The following DNAI7 variants were observed in gnomAD, a reference collection of about 807,000 sequenced individuals.
DNAI7 encodes the protein cancer susceptibility 1.
A neutral mutation model predicts 86.6 loss-of-function variants in DNAI7; 78 were observed. That is an observed-to-expected ratio of 0.90 (90% confidence interval 0.75 to 1.09). DNAI7 has a LOEUF of 1.09. Ranked by LOEUF, DNAI7 falls within the 50% of genes least tolerant of loss-of-function variation. The probability of loss-of-function intolerance (pLI) is 0.00; values close to 1 mark genes in which losing one functional copy is unlikely to be tolerated. For missense variants in DNAI7, 753 were observed against 810.2 expected (o/e 0.93, Z 0.86); for synonymous variants, 274 against 273.0 (o/e 1.00, Z -0.04).
intron 1 of DNAI7, among the ~76,000 whole-genome samples, chr12:25,194,065 C>T (rs1396937457): frequency 6.6e-6 from 1 of 151,988 alleles, no homozygotes; most frequent in Non-Finnish European, 1.5e-5. Context: ...CGTGATCTGC[C>T]CGCCTCGGCC....
intron 9 of DNAI7, among the ~76,000 whole-genome samples, chr12:25,143,246 A>AT (rs56888487): frequency 0.041 from 5,311 of 129,842 alleles, 399 homozygotes; most frequent in African/African-American, 0.13. Context: ...AGTCTTCATA[A>AT]TTTTTTTTTT....
chr12:25,186,780 G>A (rs1265389088), intron 2 of DNAI7, among the ~76,000 whole-genome samples: 1 of 151,954 alleles, frequency 6.6e-6, no homozygotes, highest in Non-Finnish European at 1.5e-5. Context: ...AAAAAGGCAG[G>A]GTTTTTTTTT....
At position 25,179,755 on chromosome 12, in the gene DNAI7, C is replaced by A. The variant is rs529464177; in HGVS notation, c.21+10859G>T. ...ATCCTTTCATGATTAAAAAAAAAAA[C>A]CCTCAAAAAACTAGGTATCAAATGA... is the stretch of plus-strand genomic sequence containing the variant. On this transcript the variant is annotated intron_variant, in intron 2 of 15. Transcript: ENST00000395987. 9.2e-4 allele frequency among the ~76,000 whole-genome samples: 138 copies of A among 150,306 alleles called. 1 individual carries two copies. Among genetic ancestry groups the A allele is most frequent in the African/African-American group, 3.2e-3 (130 of 41,004 alleles).
rs1045679130 is a variant in DNAI7 at position 25,124,061 on chromosome 12, T to TGTGTGTGTGTGC, written c.1003-776_1003-775insGCACACACACAC. Among the ~76,000 whole-genome samples, 5 of 151,522 alleles carry TGTGTGTGTGTGC rather than the reference T, an allele frequency of 3.3e-5. No homozygotes were observed. The South Asian group carries it at 6.2e-4, about 19-fold the overall frequency. On this transcript the variant is annotated intron_variant, in intron 9 of 15. Transcript: ENST00000395987. ...GTGTGTGTGTGTGTGTGTGTGTGTG[T>TGTGTGTGTGTGC]GCTAATACTTGCAAATTGAATGACA... is the stretch of plus-strand genomic sequence containing the variant.
At chr12:25,161,307 C>T (rs1367922640) in intron 2 of DNAI7, 110 bp from the exon 3 acceptor site, 1 of 899,058 alleles carries the variant, frequency 1.1e-6, no homozygotes, top group Non-Finnish European at 1.8e-6. Context: ...TAAAACCAGC[C>T]TTTCATGCAT....
At chr12:25,147,907 T>C (rs1005278713) in intron 7 of DNAI7, among the ~76,000 whole-genome samples, 3 of 152,324 alleles carry the variant, frequency 2.0e-5, no homozygotes, top group Non-Finnish European at 4.4e-5. Flanking sequence ...TAGTCTAATA[T>C]TTAATATCCA....
chr12:25,178,318 G>A (rs1949157916), intron 2 of DNAI7, among the ~76,000 whole-genome samples: 1 of 151,522 alleles, frequency 6.6e-6, no homozygotes, highest in African/African-American at 2.4e-5. Context: ...ACTTCTTCAT[G>A]AAAACAGTTT....
In DNAI7 at chr12:25,157,535, A is replaced by T. The variant is rs547020465; in HGVS notation, c.198+937T>A. 3.5e-4 allele frequency among the ~76,000 whole-genome samples: 53 copies of T among 152,084 alleles called. No homozygotes were observed. The South Asian group carries it at 6.6e-3, about 19-fold the overall frequency. ...ACAATGCCATCATTTCCTTAATTTT[A>T]AAAAAAAGTTGTTTCTTTAAAAATA... On this transcript the variant is annotated intron_variant, in intron 4 of 15. Coordinates refer to ENST00000395987, the MANE Select transcript of DNAI7 (RefSeq NM_018272.5).
chr12:25,131,906 A>G (rs1028053698), intron 9 of DNAI7, among the ~76,000 whole-genome samples: 3 of 152,166 alleles, frequency 2.0e-5, no homozygotes, highest in African/African-American at 2.4e-5. Context: ...CCTCAAGATC[A>G]TAATTTAGTG....
chr12:25,157,680 A>T (rs957335853), intron 4 of DNAI7, among the ~76,000 whole-genome samples: 11 of 152,158 alleles, frequency 7.2e-5, no homozygotes, highest in African/African-American at 2.7e-4. Context: ...GATAGATGTA[A>T]TCCACATAAA....
intron 6 of DNAI7, among the ~76,000 whole-genome samples, chr12:25,151,133 A>G (rs922191124): frequency 6.6e-6 from 1 of 152,312 alleles, no homozygotes; most frequent in South Asian, 2.1e-4. Context: ...GTAGGGTAGT[A>G]TGGACTCAAA....
At chr12:25,113,901 A>C (rs1002220550) in intron 13 of DNAI7, among the ~76,000 whole-genome samples, 1 of 148,962 alleles carries the variant, frequency 6.7e-6, no homozygotes, top group African/African-American at 2.5e-5. Context: ...TTGTCTCCAA[A>C]CATTACAGGC....
At chr12:25,112,244 T>C (rs968477463) in intron 13 of DNAI7, among the ~76,000 whole-genome samples, 11 of 152,198 alleles carry the variant, frequency 7.2e-5, no homozygotes, top group African/African-American at 2.7e-4. Flanking sequence ...ATGTTCACAC[T>C]GAATTAAAAT....
At chr12:25,179,472 T>C (rs1949293875) in intron 2 of DNAI7, among the ~76,000 whole-genome samples, 1 of 152,184 alleles carries the variant, frequency 6.6e-6, no homozygotes. Flanking sequence ...ACTATGATTG[T>C]GGATGTGTCT....
Position 25,150,057 on chromosome 12 carries a change from T to C in DNAI7, c.439-283A>G, listed in dbSNP as rs1945309900. On this transcript the variant is annotated intron_variant, in intron 6 of 15. Transcript: ENST00000395987. ...GTGGGGTGAAGAAAGACCAGTTCTTTACAGAAGAGTGCCATCTGTCTAATG... is the reference window on the plus strand; with the variant it reads ...GTGGGGTGAAGAAAGACCAGTTCTTCACAGAAGAGTGCCATCTGTCTAATG... 1.3e-5 allele frequency among the ~76,000 whole-genome samples: 2 copies of C among 152,216 alleles called. 1 individual carries two copies. Among genetic ancestry groups the C allele is most frequent in the Non-Finnish European group, 2.9e-5 (2 of 68,044 alleles).
chr12:25,194,934 A>AC, intron 1 of DNAI7, 142 bp downstream of exon 1: 1 of 1,614,118 alleles, frequency 6.2e-7, no homozygotes, highest in Non-Finnish European at 8.5e-7. Context: ...AAGAGGGCCG[A>AC]CCCACCCCAA....
At chr12:25,136,917 G>A (rs1039654376) in intron 9 of DNAI7, among the ~76,000 whole-genome samples, 2 of 152,132 alleles carry the variant, frequency 1.3e-5, no homozygotes, top group African/African-American at 4.8e-5. Context: ...CTGGGATTAT[G>A]TAAACAACCA....
chr12:25,126,920 C>T (rs1942212064), intron 9 of DNAI7, among the ~76,000 whole-genome samples: 1 of 152,178 alleles, frequency 6.6e-6, no homozygotes, highest in Admixed American at 6.5e-5. Flanking sequence ...ACTAGGAATT[C>T]AGACTTTCTC....
At chr12:25,141,404 G>C (rs1314582106) in intron 9 of DNAI7, among the ~76,000 whole-genome samples, 1 of 152,148 alleles carries the variant, frequency 6.6e-6, no homozygotes, top group African/African-American at 2.4e-5. Flanking sequence ...AGTGGGCTAA[G>C]GACCTGAATA....
Sources: gnomAD v4.1 joint callset for allele counts (sites outside exome capture counted in the v4.1 genomes callset) on GRCh38, gnomAD v4.1.1 for gene constraint, MANE v1.5 for transcripts, NCBI Gene and HGNC (gene_info 2026-07-23, HGNC 2026-07-21) for gene names.